SLC3A1: variants seen among roughly 807,000 people sequenced by gnomAD.
SLC3A1 encodes amino acid transporter heavy chain SLC3A1.
A neutral mutation model predicts 60.3 loss-of-function variants in SLC3A1; 78 were observed. That is an observed-to-expected ratio of 1.29 (90% CI 1.08 to 1.56). The LOEUF (loss-of-function observed/expected upper bound fraction) is 1.56. Ranked by LOEUF, SLC3A1 falls within the 40% of genes most tolerant of loss-of-function variation. The pLI, the probability that SLC3A1 is intolerant of heterozygous loss-of-function variation, is 0.00. For missense variants in SLC3A1, 1,172 were observed against 858.9 expected (o/e 1.36, Z -4.56); for synonymous variants, 392 against 307.9 (o/e 1.27, Z -2.86).
chr2:44,312,328 CTATG>C (rs970353678), intron 7 of SLC3A1, among the ~76,000 whole-genome samples: 6 of 152,140 alleles, frequency 3.9e-5, no homozygotes, highest in African/African-American at 1.2e-4. Context: ...GAAAATATGA[CTATG>C]TACCCTCTGA....
intron 7 of SLC3A1, among the ~76,000 whole-genome samples, chr2:44,308,471 T>C (rs1672211866): frequency 6.6e-6 from 1 of 152,202 alleles, no homozygotes; most frequent in Admixed American, 6.5e-5. Flanking sequence ...AAGACAGATG[T>C]ATCTTATTTA....
At chr2:44,300,123 C>T in intron 5 of SLC3A1, 33 bp downstream of exon 5, 1 of 1,610,526 alleles carries the variant, frequency 6.2e-7, no homozygotes, top group Non-Finnish European at 8.5e-7. Context: ...TTTCTTTTGC[C>T]TTTTCTGAAA....
chr2:44,284,695 C>T (rs1671575792), intron 3 of SLC3A1, among the ~76,000 whole-genome samples: 1 of 152,096 alleles, frequency 6.6e-6, no homozygotes, highest in Admixed American at 6.6e-5. Flanking sequence ...TCCTTAGTAG[C>T]TGGGACCACA....
Position 44,314,467 on chromosome 2 carries a change from T to C in SLC3A1, c.1617+516T>C, listed in dbSNP as rs145786038. On this transcript the variant is annotated intron_variant, in intron 9 of 9. Coordinates refer to ENST00000260649, the MANE Select transcript of SLC3A1 (RefSeq NM_000341.4). ...GCTTTTACCCTTTTTTCTGTTCCCATAGTGATCAAGCACTAATGTCATTCA... is the reference window on the plus strand; with the variant it reads ...GCTTTTACCCTTTTTTCTGTTCCCACAGTGATCAAGCACTAATGTCATTCA... 5.8e-4 allele frequency: 104 copies of C among 179,890 alleles called. 1 individual carries two copies. Among genetic ancestry groups the C allele is most frequent in the African/African-American group, 6.2e-4 (26 of 42,270 alleles). 11.1% of individuals were successfully genotyped at this position (179,890 alleles called of 1,614,324 possible).
chr2:44,309,726 G>C (rs1672246895), intron 7 of SLC3A1, among the ~76,000 whole-genome samples: 1 of 152,164 alleles, frequency 6.6e-6, no homozygotes, highest in Admixed American at 6.5e-5. Flanking sequence ...AGCCTCCTGT[G>C]TAGCTTGGAT....
rs1455151403 is a variant in SLC3A1 at position 44,313,964 on chromosome 2, G to A, written c.1617+13G>A. 1.5e-5 allele frequency: 24 copies of A among 1,613,852 alleles called. No homozygotes were observed. Among genetic ancestry groups the A allele is most frequent in the Non-Finnish European group, 1.9e-5 (22 of 1,179,944 alleles). On this transcript the variant is annotated intron_variant, in intron 9 of 9. Transcript: ENST00000260649. ...TGTGAATGTTGATGTAAGTATCAGT[G>A]AAAATTTTATGTTGATTCTAGAAAC... is the stretch of plus-strand genomic sequence containing the variant.
intron 4 of SLC3A1, among the ~76,000 whole-genome samples, chr2:44,293,522 G>GA (rs1558459070): frequency 7.5e-4 from 113 of 150,242 alleles, no homozygotes; most frequent in African/African-American, 2.7e-3. Flanking sequence ...GTTTTAGGGG[G>GA]GAAAAAAAAA....
chr2:44,322,015 T>C (rs1673012369), downstream of SLC3A1: 8 of 1,110,030 alleles, frequency 7.2e-6, no homozygotes, highest in Admixed American at 8.7e-5. Context: ...AGTAAAGGAA[T>C]AAAAAGCAAA....
intron 8 of SLC3A1, among the ~76,000 whole-genome samples, chr2:44,313,380 T>G (rs1232331692): frequency 6.6e-6 from 1 of 152,180 alleles, no homozygotes; most frequent in Non-Finnish European, 1.5e-5. Flanking sequence ...GAAGCTTTTT[T>G]CCCTCTATCA....
Position 44,320,600 on chromosome 2 carries a change from C to CT in SLC3A1, c.2020dup (p.Tyr674LeufsTer20), listed in dbSNP as rs777149216. 2.1e-5 allele frequency: 34 copies of CT among 1,613,934 alleles called. No individual in the cohort carries two copies. The highest frequency in any genetic ancestry group is 2.8e-5 in the Non-Finnish European group (33 of 1,179,892). On this transcript the variant is annotated frameshift_variant, in exon 10 of 10. Transcript: ENST00000260649. LOFTEE classifies it high-confidence loss of function. ...GATGCTTTGTTTCCAATCGAGCATG[C>CT]TATTCCAGTGTACTGAACATACTGT...
intron 3 of SLC3A1, among the ~76,000 whole-genome samples, chr2:44,283,499 A>G (rs1375889729): frequency 1.3e-5 from 2 of 152,232 alleles, no homozygotes; most frequent in Admixed American, 6.5e-5. Flanking sequence ...TGTTTTGCAG[A>G]TAGGCAGACT....
At chr2:44,305,626 CCATGTTTGT>C (rs1672136076) in intron 7 of SLC3A1, among the ~76,000 whole-genome samples, 1 of 151,976 alleles carries the variant, frequency 6.6e-6, no homozygotes, top group South Asian at 2.1e-4. Context: ...CGGGGTTTTA[CCATGTTTGT>C]CAGGCTGTTC....
At chr2:44,304,813 ATTTTTTTTTTT>A (rs70965349) in intron 7 of SLC3A1, among the ~76,000 whole-genome samples, 14 of 85,866 alleles carry the variant, frequency 1.6e-4, no homozygotes, top group Non-Finnish European at 2.5e-4. Context: ...CTTGAAAACA[ATTTTTTTTTTT>A]TTTTTTTTTT....
In SLC3A1 at chr2:44,320,724, G is replaced by T; in HGVS notation, c.*85G>T. On this transcript the variant is annotated 3_prime_UTR_variant, in exon 10 of 10. Transcript: ENST00000260649. ...AGCTTCATGTACAGCATGCTGCTTG[G>T]TGAACAATCATTAATTCTTCGATAT... is the stretch of plus-strand genomic sequence containing the variant. 1 of 1,028,868 alleles carries T rather than the reference G, an allele frequency of 9.7e-7. No individual in the cohort carries two copies. Among genetic ancestry groups the T allele is most frequent in the Admixed American group, 1.7e-5 (1 of 57,318 alleles). 63.7% of individuals were successfully genotyped at this position (1,028,868 alleles called of 1,614,324 possible).
chr2:44,318,157 C>G (rs539352313), intron 9 of SLC3A1: 1 of 434,130 alleles, frequency 2.3e-6, no homozygotes, highest in South Asian at 1.6e-5. Context: ...GTGGCGTGAT[C>G]TCGGCACACT....
chr2:44,289,290 A>C (rs1671685326), intron 4 of SLC3A1, among the ~76,000 whole-genome samples: 1 of 150,756 alleles, frequency 6.6e-6, no homozygotes, highest in Non-Finnish European at 1.5e-5. Context: ...GGCTCACTGC[A>C]ACCTCCACCT....
In SLC3A1 at chr2:44,275,938, A is replaced by C. The variant is rs745692914; in HGVS notation, c.403A>C (p.Asn135His). The C allele has an allele frequency of 6.2e-7, 1 of 1,614,240 alleles. No individual in the cohort carries two copies. The highest frequency in any genetic ancestry group is 1.7e-5 in the Admixed American group (1 of 60,032). ...QIYPRSFKDS[N>H]KDGNGDLKGI... is the part of the protein sequence containing the mutation. The stretch of plus-strand genomic sequence containing the variant: ...CTACCCAAGGTCTTTCAAGGACAGT[A>C]ACAAGGATGGGAACGGAGATCTGAA... Residue 135 changes from asparagine to histidine, a missense_variant, in exon 1 of 10, where the codon AAC (asparagine) becomes CAC (histidine). Transcript: ENST00000260649.
intron 1 of SLC3A1, among the ~76,000 whole-genome samples, chr2:44,278,037 A>G (rs960802815): frequency 6.6e-6 from 1 of 152,068 alleles, no homozygotes; most frequent in Non-Finnish European, 1.5e-5. Context: ...CCTCATCATA[A>G]GATATATTTT....
intron 9 of SLC3A1, chr2:44,319,602 T>C (rs1056865): frequency 0.54 from 82,096 of 152,404 alleles, 24,544 homozygotes; most frequent in Non-Finnish European, 0.68. Flanking sequence ...AAATCATCTT[T>C]AATGAACACA....
Sources: gnomAD v4.1 joint callset for allele counts (sites outside exome capture counted in the v4.1 genomes callset) on GRCh38, gnomAD v4.1.1 for gene constraint, MANE v1.5 for transcripts, NCBI Gene and HGNC (gene_info 2026-07-23, HGNC 2026-07-21) for gene names.